ADGRG4: variants seen among roughly 807,000 people sequenced by gnomAD.
ADGRG4 encodes the protein G protein-coupled receptor 112.
ADGRG4 carries 122 observed loss-of-function variants against 126.2 expected under a neutral mutation model. The observed-to-expected ratio is 0.97, with a 90% CI of 0.83 to 1.12. ADGRG4 has a LOEUF of 1.12. Ranked by LOEUF, ADGRG4 falls within the 50% of genes most tolerant of loss-of-function variation. The pLI, the probability that ADGRG4 is intolerant of heterozygous loss-of-function variation, is 0.00. For synonymous variants in ADGRG4, 943 were observed against 838.7 expected (o/e 1.12, Z -2.15); for missense variants, 2,481 against 2,251.8 (o/e 1.10, Z -2.06).
intron 5 of ADGRG4, among the ~76,000 whole-genome samples, chrX:136,336,474 A>G (rs2148459655): frequency 9.0e-6 from 1 of 110,960 alleles, no homozygotes; most frequent in South Asian, 3.8e-4. Flanking sequence ...TGGATTTACT[A>G]TTTTTCCTTT....
Position 136,365,948 on chromosome X carries a change from C to T in ADGRG4, c.7396+2353C>T, listed in dbSNP as rs185629117. Among the ~76,000 whole-genome samples the T allele has an allele frequency of 2.7e-5, 3 of 111,866 alleles. No individual in the cohort carries two copies. In the East Asian group the frequency reaches 8.4e-4, roughly 31 times the overall value. ...AAAGTACAGAGCTTCAGCATGTGCC[C>T]TCCCCCAACCACCTGCAGACTTCCC... On this transcript the variant is annotated intron_variant, in intron 13 of 25. Coordinates refer to ENST00000394143, the MANE Select transcript of ADGRG4 (RefSeq NM_153834.4).
intron 5 of ADGRG4, among the ~76,000 whole-genome samples, chrX:136,326,639 C>T (rs1457459981): frequency 9.0e-6 from 1 of 111,098 alleles, no homozygotes; most frequent in Non-Finnish European, 1.9e-5. Context: ...GTAGTCATTG[C>T]CTGCCTCACC....
intron 5 of ADGRG4, among the ~76,000 whole-genome samples, chrX:136,334,082 T>C (rs1436822213): frequency 1.2e-4 from 1 of 8,116 alleles, no homozygotes; most frequent in African/African-American, 1.2e-3. Flanking sequence ...CTCTCTTTCT[T>C]TCTTTCTTTC....
At chrX:136,320,707 A>G (rs1044880988) in intron 4 of ADGRG4, among the ~76,000 whole-genome samples, 4 of 111,401 alleles carry the variant, frequency 3.6e-5, no homozygotes, top group Non-Finnish European at 1.9e-5. Flanking sequence ...TGAGCCTAGG[A>G]GTCTGAGACC....
chrX:136,355,254 G>C (rs961530302), intron 8 of ADGRG4, among the ~76,000 whole-genome samples: 3 of 107,947 alleles, frequency 2.8e-5, no homozygotes, highest in Non-Finnish European at 3.9e-5. Context: ...CACACACACA[G>C]AGACACATAT....
chrX:136,384,606 T>C (rs1374411544), intron 15 of ADGRG4, among the ~76,000 whole-genome samples: 1 of 112,021 alleles, frequency 8.9e-6, no homozygotes, highest in Non-Finnish European at 1.9e-5. Context: ...GCAGGTCTGA[T>C]AATGATAAAT....
chrX:136,346,584 C>T lies in ADGRG4; in HGVS notation c.2878C>T (p.His960Tyr), dbSNP rs2075018735. The T allele has an allele frequency of 8.3e-7, 1 of 1,208,594 alleles. No homozygotes were observed. The highest frequency in any genetic ancestry group is 2.2e-5 in the Admixed American group (1 of 45,773). ...TGGATCTCCCACTTCTGGGAGCACA[C>T]ATATATTCGGTGAACCCCTGGGTGC... ...SAGSPTSGST[H>Y]IFGEPLGAST... The change falls in exon 6 of 26, where the codon CAT becomes TAT. Residue 960 changes from histidine (H) to tyrosine (Y), a missense_variant. By Grantham distance (83) the His-to-Tyr change is moderately conservative. Transcript: ENST00000394143.
In ADGRG4 at chrX:136,346,623, A is replaced by T; in HGVS notation, c.2917A>T (p.Ile973Leu). The change falls in exon 6 of 26, where the codon ATA becomes TTA. Residue 973 changes from isoleucine to leucine, a missense_variant. Transcript: ENST00000394143. ...GEPLGASTTR[I>L]SETSFSTTPT... ...ACCCCTGGGTGCTTCTACCACAAGG[A>T]TATCAGAAACCAGTTTCTCCACTAC... 1 of 1,210,300 alleles carries T rather than the reference A, an allele frequency of 8.3e-7. No homozygotes were observed. The highest frequency in any genetic ancestry group is 1.1e-6 in the Non-Finnish European group (1 of 894,220).
At chrX:136,301,497 A>C (rs2074699784) in intron 1 of ADGRG4, among the ~76,000 whole-genome samples, 1 of 112,162 alleles carries the variant, frequency 8.9e-6, no homozygotes, top group African/African-American at 3.2e-5. Flanking sequence ...GCCCTTTGTC[A>C]GATGGGTAGA....
Position 136,416,505 on chromosome X carries a change from G to C in ADGRG4, c.*14G>C, listed in dbSNP as rs2075476364. On this transcript the variant is annotated 3_prime_UTR_variant, in exon 26 of 26. Coordinates refer to ENST00000394143, the MANE Select transcript of ADGRG4 (RefSeq NM_153834.4). ...TCCTCTCCTTGATTTGTGAAGTTGT[G>C]CCTAATTATGTAAAAAGAATATAAT... The C allele has an allele frequency of 8.7e-7, 1 of 1,150,133 alleles. No homozygotes were observed. The highest frequency in any genetic ancestry group is 2.2e-5 in the Admixed American group (1 of 44,551). The allele number at this position is 1,150,133 out of a possible 1,213,427, so 94.8% of individuals were successfully genotyped here. A position where few individuals can be genotyped will look rare whatever the true frequency, so the allele number is the denominator to read the frequency against.
rs756965146 is a variant in ADGRG4 at position 136,412,365 on chromosome X, T to C, written c.9036T>C (p.Ser3012=). The C allele has an allele frequency of 2.7e-6, 3 of 1,109,387 alleles. No homozygotes were observed. The highest frequency in any genetic ancestry group is 1.8e-5 in the African/African-American group (1 of 55,470). The allele number at this position is 1,109,387 out of a possible 1,213,427, so 91.4% of individuals were successfully genotyped here. The change falls in exon 24 of 26, where the codon TCT becomes TCC. Residue 3012 remains serine (S), a splice_region_variant and synonymous_variant. Coordinates refer to ENST00000394143, the MANE Select transcript of ADGRG4 (RefSeq NM_153834.4). ...GGTGGTTGCGATTGGATAACTCTTC[T>C]GGTAAGATGTCAGTTTGGATGAAGT... ...CCGWLRLDNS[S]DGSSRCQIKV...
Position 136,400,004 on chromosome X carries a change from T to C in ADGRG4, c.8463T>C (p.Leu2821=), listed in dbSNP as rs763731451. ...CAGTGGCACTTCATTACTTCCTGCT[T>C]GTTTCTTTTACTTGGATGGGCCTGG... ...TAAVALHYFL[L]VSFTWMGLEA... The change falls in exon 21 of 26, where the codon CTT becomes CTC. Residue 2821 remains leucine (L), a synonymous_variant. Transcript: ENST00000394143. 1.5e-5 allele frequency: 18 copies of C among 1,209,331 alleles called. No individual in the cohort carries two copies. In the South Asian group the frequency reaches 3.2e-4, roughly 21 times the overall value.
chrX:136,379,509 T>C (rs1217615128), intron 15 of ADGRG4, among the ~76,000 whole-genome samples: 1 of 104,115 alleles, frequency 9.6e-6, no homozygotes, highest in Non-Finnish European at 2.0e-5. Flanking sequence ...TCTCCTTCCC[T>C]CTCTTCTCCT....
At chrX:136,370,825 T>C (rs1418312342) in intron 13 of ADGRG4, among the ~76,000 whole-genome samples, 2 of 112,086 alleles carry the variant, frequency 1.8e-5, no homozygotes. Context: ...CGAGTTAATA[T>C]CCATTGTTCT....
intron 23 of ADGRG4, among the ~76,000 whole-genome samples, chrX:136,409,197 G>A (rs2075432515): frequency 9.0e-6 from 1 of 111,504 alleles, no homozygotes; most frequent in African/African-American, 3.3e-5. Flanking sequence ...GGCGACCTGT[G>A]GTCAAGTGGG....
chrX:136,401,744 G>C (rs2075380522), intron 21 of ADGRG4, among the ~76,000 whole-genome samples: 2 of 112,204 alleles, frequency 1.8e-5, no homozygotes, highest in African/African-American at 6.5e-5. Flanking sequence ...ATTCCCAGTG[G>C]CTGAGGAGCT....
At chrX:136,369,430 G>A (rs1362383644) in intron 13 of ADGRG4, among the ~76,000 whole-genome samples, 1 of 111,946 alleles carries the variant, frequency 8.9e-6, no homozygotes, top group Admixed American at 9.5e-5. Flanking sequence ...TTTACACGAT[G>A]AGTGTAATTT....
intron 16 of ADGRG4, among the ~76,000 whole-genome samples, chrX:136,392,028 A>G (rs1359800126): frequency 1.8e-5 from 2 of 112,435 alleles, no homozygotes; most frequent in Middle Eastern, 4.6e-3. Context: ...TGGATGGATT[A>G]ATGAATTGTT....
intron 4 of ADGRG4, among the ~76,000 whole-genome samples, chrX:136,317,432 G>T (rs1296481432): frequency 9.6e-6 from 1 of 103,866 alleles, no homozygotes; most frequent in Admixed American, 1.0e-4. Flanking sequence ...CCCAGGAAGC[G>T]GAGGTTGCAG....
Sources: allele counts gnomAD v4.1 joint callset (sites outside exome capture counted in the v4.1 genomes callset), GRCh38; gene constraint gnomAD v4.1.1; transcripts MANE v1.5; gene names NCBI Gene and HGNC (gene_info 2026-07-23, HGNC 2026-07-21).